Variants in LMNA observed in about 807,000 individuals in gnomAD.
The protein encoded by LMNA is lamin A/C.
LMNA carries 20 observed loss-of-function variants against 70.4 expected under a neutral mutation model. The ratio of observed to expected loss-of-function variants is 0.28; its 90% CI spans 0.20 to 0.41. The LOEUF (loss-of-function observed/expected upper bound fraction) is 0.41, where lower values mean the gene tolerates loss of function less well. LMNA is among the 10% of genes least tolerant of loss of function. The pLI is 1.00. For synonymous variants in LMNA, 339 were observed against 372.8 expected, an observed-to-expected ratio of 0.91 and a Z score of 1.04; for missense variants, 652 against 917.2, an observed-to-expected ratio of 0.71 and a Z score of 3.73.
rs189306524 is a variant in LMNA at position 156,127,552 on chromosome 1, T to G, written c.357-3065T>G. On this transcript the variant is annotated intron_variant, in intron 1 of 11. Transcript: ENST00000368300. The stretch of plus-strand genomic sequence containing the variant: ...TTTTTTTTTTGAGATGGAGTCTCGC[T>G]CTGTCACCCATGCTGTAGTGCAGTG... Among the ~76,000 whole-genome samples the G allele has an allele frequency of 1.2e-4, 16 of 128,914 alleles. No homozygotes were observed. In the Admixed American group the frequency reaches 1.3e-3, roughly 10 times the overall value. The allele number at this position is 128,914 out of a possible 152,430, so 84.6% of individuals were successfully genotyped here.
At chr1:156,084,328 C>CGGGGGA (rs1648392617) in intron 2 of LMNA, among the ~76,000 whole-genome samples, 1 of 90,978 alleles carries the variant, frequency 1.1e-5, no homozygotes, top group Non-Finnish European at 2.4e-5. Flanking sequence ...CTCAGAAGGT[C>CGGGGGA]GGGGGGTGGT....
rs267607613 is a variant in LMNA, at chr1:156,137,678, C to T, written c.1633C>T (p.Arg545Cys). 9.6e-6 allele frequency: 15 copies of T among 1,555,140 alleles called. No individual in the cohort carries two copies. Among genetic ancestry groups the T allele is most frequent in the Middle Eastern group, 1.7e-4 (1 of 5,972 alleles). Residue 545 changes from arginine (R) to cysteine (C), a missense_variant, in exon 10 of 12, where the codon CGC (arginine) becomes TGC (cysteine). This residue lies in a region of LMNA where 327 missense variants were observed against 387.6 expected (regional missense o/e 0.84). Transcript: ENST00000368300. The surrounding 1 kb of genome is among the most constrained non-coding windows in gnomAD (Gnocchi z 4.6). ...GEEVAMRKLV[R>C]SVTVVEDDED... ...GGAAGTGGCCATGCGCAAGCTGGTG[C>T]GCTCAGTGACTGTGGTTGAGGACGA...
At chr1:156,114,642 T>G, upstream of LMNA, 1 of 346,942 alleles carries the variant, frequency 2.9e-6, no homozygotes, top group African/African-American at 2.2e-5. Flanking sequence ...ACTGCCCCTT[T>G]AAGAGTAGTG....
At chr1:156,094,208 G>A (rs1648820946) in intron 3 of LMNA, among the ~76,000 whole-genome samples, 1 of 152,096 alleles carries the variant, frequency 6.6e-6, no homozygotes, top group Non-Finnish European at 1.5e-5. Context: ...AAGTATACAT[G>A]GGTCACATGC....
upstream of LMNA, among the ~76,000 whole-genome samples, chr1:156,114,310 C>A (rs1649654269): frequency 6.6e-6 from 1 of 152,176 alleles, no homozygotes; most frequent in South Asian, 2.1e-4. Context: ...GGGCACCAGC[C>A]TCAGCCCTCC....
chr1:156,138,181 CTG>C lies in LMNA; in HGVS notation c.1699-306_1699-305del. Reference sequence around the variant, plus strand: ...CACTCCAATTAATAGTGCATGCCTGCTGCCCTACAAGCTTGCTCCCGTTCTCT... The same window carrying C: ...CACTCCAATTAATAGTGCATGCCTGCCCCTACAAGCTTGCTCCCGTTCTCT... On this transcript the variant is annotated intron_variant, in intron 10 of 11. Coordinates refer to ENST00000368300, the MANE Select transcript of LMNA (RefSeq NM_170707.4). This position sits in a 1 kb window ranked among gnomAD's most constrained non-coding sequence, Gnocchi z 5.5. 3.6e-6 allele frequency: 2 copies of C among 557,920 alleles called. No homozygotes were observed. Among genetic ancestry groups the C allele is most frequent in the Non-Finnish European group, 6.4e-6 (2 of 311,308 alleles). 34.6% of individuals were successfully genotyped at this position (557,920 alleles called of 1,614,324 possible).
At chr1:156,100,980 G>A (rs1179415384) in intron 3 of LMNA, among the ~76,000 whole-genome samples, 3 of 152,080 alleles carry the variant, frequency 2.0e-5, no homozygotes, top group Admixed American at 6.5e-5. Flanking sequence ...TTGATCAGAG[G>A]GTAAAGTAAA....
In LMNA at chr1:156,137,361, A is replaced by G; in HGVS notation, c.1608+129A>G. On this transcript the variant is annotated intron_variant, in intron 9 of 11. Coordinates refer to ENST00000368300, the MANE Select transcript of LMNA (RefSeq NM_170707.4). The surrounding 1 kb of genome is among the most constrained non-coding windows in gnomAD (Gnocchi z 4.6). Reference sequence around the variant, plus strand: ...TCTAGAGCTCTCTGTTGCAGGCTCCAGACTTCTCCACCCAGTAGGCAAACC... The same window carrying G: ...TCTAGAGCTCTCTGTTGCAGGCTCCGGACTTCTCCACCCAGTAGGCAAACC... The G allele has an allele frequency of 8.0e-7, 1 of 1,249,818 alleles. No individual in the cohort carries two copies. Among genetic ancestry groups the G allele is most frequent in the Non-Finnish European group, 1.1e-6 (1 of 889,344 alleles). 77.4% of individuals were successfully genotyped at this position (1,249,818 alleles called of 1,614,324 possible).
At chr1:156,128,787 T>G (rs1650796335) in intron 1 of LMNA, among the ~76,000 whole-genome samples, 1 of 152,188 alleles carries the variant, frequency 6.6e-6, no homozygotes, top group South Asian at 2.1e-4. Flanking sequence ...TCCTTCTAGT[T>G]CTCTAAATTC....
Position 156,134,417 on chromosome 1 carries a change from A to T in LMNA, c.528A>T (p.Leu176=), listed in dbSNP as rs1026599240. ...RGQVAKLEAA[L]GEAKKQLQDE... is the part of the protein sequence containing the mutation. ...CTTCCTCACAGCTTGAGGCAGCCCT[A>T]GGTGAGGCCAAGAAGCAACTTCAGG... The change falls in exon 3 of 12, where the codon CTA becomes CTT. Residue 176 remains leucine (L), a synonymous_variant. Transcript: ENST00000368300. This position sits in a 1 kb window ranked among gnomAD's most constrained non-coding sequence, Gnocchi z 5.3. 6.2e-7 allele frequency: 1 copy of T among 1,614,072 alleles called. No homozygotes were observed. The highest frequency in any genetic ancestry group is 8.5e-7 in the Non-Finnish European group (1 of 1,180,006).
intron 1 of LMNA, chr1:156,126,104 C>A: frequency 2.9e-6 from 4 of 1,374,474 alleles, no homozygotes; most frequent in Non-Finnish European, 3.9e-6. Flanking sequence ...ACTCCCTGTA[C>A]CCACCCGGCC....
In LMNA at chr1:156,084,302, A is replaced by G. The variant is rs2102783126; in HGVS notation, c.-319+1118A>G. Among the ~76,000 whole-genome samples, 2 of 107,098 alleles carry G rather than the reference A, an allele frequency of 1.9e-5. 1 individual carries two copies. Among genetic ancestry groups the G allele is most frequent in the South Asian group, 6.9e-4 (2 of 2,916 alleles). The allele number at this position is 107,098 out of a possible 152,430, so 70.3% of individuals were successfully genotyped here. On this transcript the variant is annotated intron_variant, in intron 2 of 12. Coordinates refer to the LMNA transcript ENST00000368301. Reference sequence around the variant, plus strand: ...ATTTGCACACTAATGGGAGTGCTGGAACCTGAGCTGAGGATCTCAGAAGGT... The same window carrying G: ...ATTTGCACACTAATGGGAGTGCTGGGACCTGAGCTGAGGATCTCAGAAGGT...
Position 156,135,086 on chromosome 1 carries a change from G to T in LMNA, c.811-101G>T. On this transcript the variant is annotated intron_variant, in intron 4 of 11. Coordinates refer to ENST00000368300, the MANE Select transcript of LMNA (RefSeq NM_170707.4). This position sits in a 1 kb window ranked among gnomAD's most constrained non-coding sequence, Gnocchi z 4.8. ...AGGCAGATGGTGGCAGGGAGCTCAG[G>T]GTGGCCCAGGACCTGGGGCTGTAGC... 2 of 1,610,110 alleles carry T rather than the reference G, an allele frequency of 1.2e-6. No individual in the cohort carries two copies. Among genetic ancestry groups the T allele is most frequent in the African/African-American group, 1.3e-5 (1 of 75,000 alleles).
At chr1:156,096,137 T>G (rs986054058) in intron 3 of LMNA, among the ~76,000 whole-genome samples, 1 of 152,236 alleles carries the variant, frequency 6.6e-6, no homozygotes, top group African/African-American at 2.4e-5. Context: ...CTGGCTTTTC[T>G]CCACCTTCTG....
At chr1:156,100,437 G>A (rs1314540769) in intron 3 of LMNA, among the ~76,000 whole-genome samples, 1 of 152,146 alleles carries the variant, frequency 6.6e-6, no homozygotes, top group Non-Finnish European at 1.5e-5. Flanking sequence ...TTTAGCTCCT[G>A]CTGGTTATGA....
intron 1 of LMNA, among the ~76,000 whole-genome samples, chr1:156,116,735 T>C (rs1649852443): frequency 6.6e-6 from 1 of 151,836 alleles, no homozygotes; most frequent in Non-Finnish European, 1.5e-5. Context: ...GGGCTAATTT[T>C]GTATTTCTAG....
In LMNA at chr1:156,127,112, C is replaced by T. The variant is rs1358706591; in HGVS notation, c.357-3505C>T. ...CCAACCCCCAGTGGAGTGGGCTGCA[C>T]CACCACCCTGGGACCGAATGCCTGG... On this transcript the variant is annotated intron_variant, in intron 1 of 11. Coordinates refer to ENST00000368300, the MANE Select transcript of LMNA (RefSeq NM_170707.4). Among the ~76,000 whole-genome samples the T allele has an allele frequency of 2.6e-5, 4 of 152,206 alleles. No homozygotes were observed. In the East Asian group the frequency reaches 7.7e-4, roughly 29 times the overall value.
At position 156,123,629 on chromosome 1, in the gene LMNA, T is replaced by C. The variant is rs73004984; in HGVS notation, c.357-6988T>C. ...CCCTCCCTCCTCCAGGCACTACTTC[T>C]TTTGCTCTATCCCCAAGCCCCACCC... On this transcript the variant is annotated intron_variant, in intron 1 of 11. Coordinates refer to ENST00000368300, the MANE Select transcript of LMNA (RefSeq NM_170707.4). Among the ~76,000 whole-genome samples, 540 of 152,066 alleles carry C rather than the reference T, an allele frequency of 3.6e-3. 5 individuals carry two copies. Among genetic ancestry groups the C allele is most frequent in the African/African-American group, 0.013 (525 of 41,468 alleles).
chr1:156,136,686 C>G lies in LMNA; in HGVS notation c.1381-235C>G. On this transcript the variant is annotated intron_variant, in intron 7 of 11. Transcript: ENST00000368300. The surrounding 1 kb of genome is among the most constrained non-coding windows in gnomAD (Gnocchi z 6.1). The stretch of plus-strand genomic sequence containing the variant: ...TGTAAAATGGGGATGAATACTGATC[C>G]CTAAGTCTTTGAGTTGTCAGGAAGA... 1 of 668,458 alleles carries G rather than the reference C, an allele frequency of 1.5e-6. No individual in the cohort carries two copies. Among genetic ancestry groups the G allele is most frequent in the Non-Finnish European group, 2.7e-6 (1 of 373,074 alleles). The allele number at this position is 668,458 out of a possible 1,614,324, so 41.4% of individuals were successfully genotyped here.
Sources: allele counts gnomAD v4.1 joint callset (sites outside exome capture counted in the v4.1 genomes callset), GRCh38; gene constraint gnomAD v4.1.1; regional missense constraint gnomAD v4.1.1; non-coding constraint Gnocchi (gnomAD v3.1); transcripts MANE v1.5; gene names NCBI Gene and HGNC (gene_info 2026-07-23, HGNC 2026-07-21).